The following THSD4 variants were observed in gnomAD, a reference collection of about 807,000 sequenced individuals.
THSD4 encodes thrombospondin type-1 domain-containing protein 4.
In THSD4, 69 loss-of-function variants were observed where a neutral mutation model predicts 119.0. That is an observed-to-expected ratio of 0.58 (90% CI 0.48 to 0.71). THSD4 has a LOEUF of 0.71. Ranked by LOEUF, THSD4 falls within the 30% of genes least tolerant of loss-of-function variation. THSD4 has a pLI of 0.00. For missense variants in THSD4, 1,393 were observed against 1,391.1 expected (o/e 1.00, Z -0.02); for synonymous variants, 524 against 540.4 (o/e 0.97, Z 0.42).
At chr15:71,384,230 T>C (rs2046266123) in intron 6 of THSD4, among the ~76,000 whole-genome samples, 1 of 152,090 alleles carries the variant, frequency 6.6e-6, no homozygotes, top group African/African-American at 2.4e-5. Context: ...ATACAAAAAT[T>C]AGCTGGGCGT....
At chr15:71,147,612 T>C (rs2040675348) in intron 2 of THSD4, 1 of 152,280 alleles carries the variant, frequency 6.6e-6, no homozygotes. Flanking sequence ...TCAGAAACCA[T>C]TTCTTCAAGA....
At chr15:71,548,765 G>A (rs113487878) in intron 7 of THSD4, among the ~76,000 whole-genome samples, 113 of 152,280 alleles carry the variant, frequency 7.4e-4, no homozygotes, top group Middle Eastern at 6.8e-3. Flanking sequence ...TTTTTTTCGT[G>A]TGTAGAGTGA....
chr15:71,168,214 T>C (rs2043314292), intron 3 of THSD4, among the ~76,000 whole-genome samples: 1 of 152,202 alleles, frequency 6.6e-6, no homozygotes, highest in South Asian at 2.1e-4. Flanking sequence ...AATAAAACAA[T>C]AAGTTATTAG....
At chr15:71,268,176 C>T (rs184255507) in intron 6 of THSD4, among the ~76,000 whole-genome samples, 212 of 152,240 alleles carry the variant, frequency 1.4e-3, no homozygotes, top group African/African-American at 5.0e-3. Flanking sequence ...AGCACCACAT[C>T]GGACCTATTT....
intron 7 of THSD4, among the ~76,000 whole-genome samples, chr15:71,583,736 A>G (rs1054921468): frequency 6.6e-6 from 1 of 152,004 alleles, no homozygotes; most frequent in Non-Finnish European, 1.5e-5. Flanking sequence ...TTCTTCTGCA[A>G]TTTCTAGTTT....
chr15:71,763,858 A>T (rs1375356215), intron 15 of THSD4, among the ~76,000 whole-genome samples: 1 of 152,160 alleles, frequency 6.6e-6, no homozygotes, highest in Non-Finnish European at 1.5e-5. Context: ...TGGGTTCAGG[A>T]GTTCAAGACC....
chr15:71,690,520 C>T (rs1022361937), intron 8 of THSD4, among the ~76,000 whole-genome samples: 8 of 152,238 alleles, frequency 5.3e-5, no homozygotes, highest in Admixed American at 2.0e-4. Flanking sequence ...AGAATAATGG[C>T]CCCCCAAAGT....
At chr15:71,699,363 C>T (rs1423876458) in intron 8 of THSD4, among the ~76,000 whole-genome samples, 1 of 65,008 alleles carries the variant, frequency 1.5e-5, no homozygotes, top group Non-Finnish European at 2.7e-5. Context: ...CAGGCGCCCG[C>T]CACTACGCCC....
intron 12 of THSD4, 39 bp downstream of exon 12, chr15:71,745,274 T>A: frequency 6.2e-7 from 1 of 1,608,338 alleles, no homozygotes; most frequent in Non-Finnish European, 8.5e-7. Flanking sequence ...TATTACCGGG[T>A]CACTTCAGGT....
chr15:71,771,060 G>C lies in THSD4; in HGVS notation c.2770-4G>C. 1 of 1,613,826 alleles carries C rather than the reference G, an allele frequency of 6.2e-7. No homozygotes were observed. Among genetic ancestry groups the C allele is most frequent in the Admixed American group, 1.7e-5 (1 of 59,972 alleles). On this transcript the variant is annotated splice_region_variant and splice_polypyrimidine_tract_variant and intron_variant, in intron 16 of 17. Coordinates refer to ENST00000261862, the MANE Select transcript of THSD4 (RefSeq NM_024817.3). The stretch of plus-strand genomic sequence containing the variant: ...TCTGATGTTTTCCCTTTGTTCCCAT[G>C]CAGTGTTCCAAGAGCTGCCAGGGTG...
chr15:71,765,495 C>T (rs969251598), intron 16 of THSD4, among the ~76,000 whole-genome samples: 10 of 152,094 alleles, frequency 6.6e-5, no homozygotes, highest in Admixed American at 2.6e-4. Flanking sequence ...CAACTGTGGC[C>T]GAGGATTTGC....
At chr15:71,739,283 C>G (rs1372492861) in intron 11 of THSD4, among the ~76,000 whole-genome samples, 1 of 152,040 alleles carries the variant, frequency 6.6e-6, no homozygotes, top group Non-Finnish European at 1.5e-5. Context: ...CTTTATTGAC[C>G]CCTCACCACA....
At chr15:71,528,003 A>T (rs912111759) in intron 7 of THSD4, among the ~76,000 whole-genome samples, 1 of 152,104 alleles carries the variant, frequency 6.6e-6, no homozygotes, top group African/African-American at 2.4e-5. Context: ...GTTGTGAGCC[A>T]CCGCACCAAT....
At chr15:71,732,684 G>T (rs1464184776) in intron 10 of THSD4, 1 of 152,186 alleles carries the variant, frequency 6.6e-6, no homozygotes, top group East Asian at 1.9e-4. Context: ...TAAGAGTAAG[G>T]AAATGGAAGC....
chr15:71,544,618 A>G (rs2048809283), intron 7 of THSD4, among the ~76,000 whole-genome samples: 1 of 152,224 alleles, frequency 6.6e-6, no homozygotes, highest in Non-Finnish European at 1.5e-5. Flanking sequence ...AAAGTTAAAC[A>G]TAGAATTACC....
chr15:71,561,922 ACACT>A (rs1289281799), intron 7 of THSD4, among the ~76,000 whole-genome samples: 1 of 139,970 alleles, frequency 7.1e-6, no homozygotes, highest in Admixed American at 7.1e-5. Context: ...ACACACACAA[ACACT>A]CACTCACTCT....
intron 6 of THSD4, among the ~76,000 whole-genome samples, chr15:71,372,107 T>C (rs1465555182): frequency 6.6e-6 from 1 of 152,276 alleles, no homozygotes; most frequent in Non-Finnish European, 1.5e-5. Flanking sequence ...ACGTAGTTCT[T>C]GTGCCATGGT....
chr15:71,738,812 C>T (rs1005006091), intron 11 of THSD4, among the ~76,000 whole-genome samples: 5 of 152,116 alleles, frequency 3.3e-5, no homozygotes, highest in Non-Finnish European at 7.3e-5. Flanking sequence ...CCTTTACCAT[C>T]CCAGAAGCCA....
intron 6 of THSD4, among the ~76,000 whole-genome samples, chr15:71,385,576 G>C (rs2046284971): frequency 2.0e-4 from 1 of 5,102 alleles, no homozygotes. Flanking sequence ...TTAGAGCTTG[G>C]AGTTCGCTAA....
Sources: allele counts gnomAD v4.1 joint callset (sites outside exome capture counted in the v4.1 genomes callset), GRCh38; gene constraint gnomAD v4.1.1; transcripts MANE v1.5; gene names NCBI Gene and HGNC (gene_info 2026-07-23, HGNC 2026-07-21).